Variants in MYBL1 observed in about 807,000 individuals in gnomAD.
MYBL1 encodes MYB proto-oncogene like 1.
Under a neutral mutation model 96.3 loss-of-function variants are expected in MYBL1, and 17 were observed. That is an observed-to-expected ratio of 0.18 (90% CI 0.12 to 0.26). The LOEUF is 0.26. MYBL1 is among the 10% of genes least tolerant of loss of function. The pLI, the probability that MYBL1 is intolerant of heterozygous loss-of-function variation, is 1.00. For synonymous variants in MYBL1, 282 were observed against 292.7 expected (o/e 0.96, Z 0.37); for missense variants, 701 against 882.9 (o/e 0.79, Z 2.61).
In MYBL1 at chr8:66,577,911, CAG is replaced by C. The variant is rs567096176; in HGVS notation, c.1102-1538_1102-1537del. ...GATCAATGGAACAGAACAGAGCCCT[CAG>C]AAATAATGCCGCGTTATCTACAACT... On this transcript the variant is annotated intron_variant, in intron 9 of 15. Coordinates refer to ENST00000522677, the MANE Select transcript of MYBL1 (RefSeq NM_001080416.4). Among the ~76,000 whole-genome samples, 278 of 152,226 alleles carry C rather than the reference CAG, an allele frequency of 1.8e-3. 1 individual carries two copies. Among genetic ancestry groups the C allele is most frequent in the African/African-American group, 6.3e-3 (261 of 41,534 alleles).
Position 66,564,540 on chromosome 8 carries a change from T to C in MYBL1, c.*157A>G, listed in dbSNP as rs1808428257. Reference sequence around the variant, plus strand: ...ACTATCTACCCCTTAAGTGACTTACTAGCTTTCTGCCTACTATATAGAATA... The same window carrying C: ...ACTATCTACCCCTTAAGTGACTTACCAGCTTTCTGCCTACTATATAGAATA... On this transcript the variant is annotated 3_prime_UTR_variant, in exon 16 of 16. Coordinates refer to ENST00000522677, the MANE Select transcript of MYBL1 (RefSeq NM_001080416.4). 1 of 439,444 alleles carries C rather than the reference T, an allele frequency of 2.3e-6. No homozygotes were observed. Among genetic ancestry groups the C allele is most frequent in the Non-Finnish European group, 3.8e-6 (1 of 263,936 alleles). The allele number at this position is 439,444 out of a possible 1,614,324, so 27.2% of individuals were successfully genotyped here.
chr8:66,586,327 T>C (rs933365474), intron 8 of MYBL1, among the ~76,000 whole-genome samples: 1 of 152,082 alleles, frequency 6.6e-6, no homozygotes, highest in Non-Finnish European at 1.5e-5. Flanking sequence ...ATTACAAGCA[T>C]GAGACAAGGC....
intron 12 of MYBL1, among the ~76,000 whole-genome samples, chr8:66,572,038 G>C (rs1164001269): frequency 6.6e-6 from 1 of 151,612 alleles, no homozygotes; most frequent in Non-Finnish European, 1.5e-5. Flanking sequence ...GCCAGGTGTG[G>C]TGGCTCACGC....
Position 66,595,706 on chromosome 8 carries a change from C to T in MYBL1, c.564G>A (p.Val188=), listed in dbSNP as rs1429915230. 1.9e-6 allele frequency: 3 copies of T among 1,578,448 alleles called. No individual in the cohort carries two copies. In the East Asian group the frequency reaches 6.9e-5, roughly 36 times the overall value. ...CATCTTGTAAATAGCCCTCCTGTTC[C>T]ACTTTTCTTCGCATAGTAGAATTCC... ...NHWNSTMRRK[V]EQEGYLQDGI... is the part of the protein sequence containing the mutation. Residue 188 remains valine (V), a synonymous_variant, in exon 6 of 16, where the codon GTG becomes GTA. Coordinates refer to ENST00000522677, the MANE Select transcript of MYBL1 (RefSeq NM_001080416.4).
At chr8:66,575,704 C>T (rs1480248268) in intron 10 of MYBL1, among the ~76,000 whole-genome samples, 3 of 152,106 alleles carry the variant, frequency 2.0e-5, no homozygotes, top group Non-Finnish European at 4.4e-5. Flanking sequence ...GCGGGAAGAT[C>T]ACTTGAGCCT....
intron 3 of MYBL1, among the ~76,000 whole-genome samples, chr8:66,600,460 A>G (rs891692227): frequency 6.6e-6 from 1 of 152,220 alleles, no homozygotes. Context: ...ATGTCCTTGT[A>G]GCATTTCTGT....
chr8:66,574,741 T>C (rs1390547854), intron 10 of MYBL1, among the ~76,000 whole-genome samples: 4 of 152,210 alleles, frequency 2.6e-5, no homozygotes, highest in Admixed American at 6.5e-5. Flanking sequence ...TGAAAGAGCA[T>C]TAACTGAGAT....
chr8:66,602,385 G>A (rs1248080195), intron 2 of MYBL1, 33 bp downstream of exon 2: 10 of 1,465,408 alleles, frequency 6.8e-6, no homozygotes, highest in Non-Finnish European at 9.4e-6. Context: ...ATAAATACAT[G>A]TAAGAAACTA....
intron 1 of MYBL1, among the ~76,000 whole-genome samples, chr8:66,611,125 G>A (rs927778284): frequency 2.0e-5 from 3 of 152,068 alleles, no homozygotes; most frequent in African/African-American, 7.2e-5. Context: ...CATGGGGAGG[G>A]GAAGGTTCTG....
intron 1 of MYBL1, among the ~76,000 whole-genome samples, chr8:66,610,977 G>C (rs1810505587): frequency 6.6e-6 from 1 of 152,032 alleles, no homozygotes; most frequent in Non-Finnish European, 1.5e-5. Context: ...AATGTCAAAA[G>C]TACAATATTT....
chr8:66,600,418 C>G (rs1810023017), intron 3 of MYBL1, among the ~76,000 whole-genome samples: 1 of 152,214 alleles, frequency 6.6e-6, no homozygotes, highest in Admixed American at 6.5e-5. Flanking sequence ...TTAAGGCTGA[C>G]ACTTTCTTCA....
Position 66,580,270 on chromosome 8 carries a change from A to G in MYBL1, c.964T>C (p.Tyr322His). The G allele has an allele frequency of 6.2e-7, 1 of 1,613,858 alleles. No homozygotes were observed. Among genetic ancestry groups the G allele is most frequent in the Non-Finnish European group, 8.5e-7 (1 of 1,179,778 alleles). The stretch of plus-strand genomic sequence containing the variant: ...ACAGGCTGATTTTCATCCATACTGT[A>G]AAACTCACTAGTGTGCTCGTCAAGG... ...NSLDEHTSEF[Y>H]SMDENQPVSA... The change falls in exon 9 of 16, where the codon TAC becomes CAC. Residue 322 changes from tyrosine (Y) to histidine (H), a missense_variant. Coordinates refer to ENST00000522677, the MANE Select transcript of MYBL1 (RefSeq NM_001080416.4).
chr8:66,587,640 T>C (rs1270790970), intron 8 of MYBL1, among the ~76,000 whole-genome samples: 2 of 152,186 alleles, frequency 1.3e-5, no homozygotes, highest in Non-Finnish European at 2.9e-5. Flanking sequence ...GCCCTCTTTG[T>C]GTGTTGGATC....
In MYBL1 at chr8:66,591,180, C is replaced by G. The variant is rs1414459156; in HGVS notation, c.867+1260G>C. On this transcript the variant is annotated intron_variant, in intron 8 of 15. Transcript: ENST00000522677. The stretch of plus-strand genomic sequence containing the variant: ...TGGCTAACACGGTGAAACCTAGTCT[C>G]TACTAAAAATATAAAAAATTAGCTG... Among the ~76,000 whole-genome samples, 7 of 151,962 alleles carry G rather than the reference C, an allele frequency of 4.6e-5. No homozygotes were observed. The South Asian group carries it at 8.3e-4, about 18-fold the overall frequency.
At chr8:66,569,215 T>C (rs1041709141) in intron 12 of MYBL1, among the ~76,000 whole-genome samples, 1 of 152,154 alleles carries the variant, frequency 6.6e-6, no homozygotes, top group Admixed American at 6.5e-5. Flanking sequence ...TATTTGGTTT[T>C]CTGTTTCTGT....
chr8:66,610,687 TG>T (rs1170334091), intron 1 of MYBL1, among the ~76,000 whole-genome samples: 1 of 152,182 alleles, frequency 6.6e-6, no homozygotes, highest in African/African-American at 2.4e-5. Context: ...TATCCTCTTT[TG>T]TTTTTTGTTG....
At chr8:66,605,048 A>T (rs182038215) in intron 1 of MYBL1, among the ~76,000 whole-genome samples, 15 of 152,324 alleles carry the variant, frequency 9.8e-5, no homozygotes, top group South Asian at 6.2e-4. Flanking sequence ...CACATTTTTT[A>T]AAAAAAGAGA....
chr8:66,576,439 C>T, intron 9 of MYBL1, 64 bp from the exon 10 acceptor site: 1 of 1,486,936 alleles, frequency 6.7e-7, no homozygotes, highest in Non-Finnish European at 9.0e-7. Context: ...CTCTTGAACA[C>T]AGGATGATGA....
intron 5 of MYBL1, 88 bp from the exon 6 acceptor site, chr8:66,595,845 A>ATTT: frequency 1.4e-6 from 1 of 702,836 alleles, no homozygotes. Context: ...CTTAAAACAA[A>ATTT]TTTTTACACT....
Sources: gnomAD v4.1 joint callset for allele counts (sites outside exome capture counted in the v4.1 genomes callset) on GRCh38, gnomAD v4.1.1 for gene constraint, MANE v1.5 for transcripts, NCBI Gene and HGNC (gene_info 2026-07-23, HGNC 2026-07-21) for gene names.